The following IGSF6 variants were observed in gnomAD, a reference collection of about 807,000 sequenced individuals.
IGSF6 encodes immunoglobulin superfamily member 6, also known as down-regulated by activation (immunoglobulin superfamily).
IGSF6 carries 23 observed loss-of-function variants against 24.7 expected under a neutral mutation model. The observed-to-expected ratio is 0.93, with a 90% CI of 0.67 to 1.32. IGSF6 has a LOEUF of 1.32. IGSF6 is among the 40% of genes most tolerant of loss of function. The pLI is 0.00. For missense variants in IGSF6, 295 were observed against 293.6 expected, an observed-to-expected ratio of 1.00 and a Z score of -0.04; for synonymous variants, 110 against 113.7, an observed-to-expected ratio of 0.97 and a Z score of 0.21.
Position 21,643,562 on chromosome 16 carries a change from C to G in IGSF6, c.571G>C (p.Glu191Gln). 6.2e-7 allele frequency: 1 copy of G among 1,605,698 alleles called. No homozygotes were observed. Residue 191 changes from glutamate to glutamine, a missense_variant, in exon 4 of 6, where the codon GAA becomes CAA. Glu to Gln is a conservative substitution (Grantham distance 29). Transcript: ENST00000268389. ...SNPLRNKEIK[E>Q]DSQKKKSARR... ...TTGGTCTGTACCTTTTGTGAGTCTT[C>G]TTTTATTTCTTTGTTTCTTAGAGGG... is the stretch of plus-strand genomic sequence containing the variant.
rs974650175 is a variant in IGSF6 at position 21,641,226 on chromosome 16, A to G, written c.*308T>C. The G allele has an allele frequency of 5.1e-6, 1 of 197,228 alleles. No homozygotes were observed. Among genetic ancestry groups the G allele is most frequent in the African/African-American group, 2.3e-5 (1 of 43,304 alleles). The allele number at this position is 197,228 out of a possible 1,614,324, so 12.2% of individuals were successfully genotyped here. On this transcript the variant is annotated 3_prime_UTR_variant, in exon 6 of 6. Transcript: ENST00000268389. The stretch of plus-strand genomic sequence containing the variant: ...AGACTGAGGCACATGGTTTGGCTTC[A>G]GATCTTCAGGATGGCAGTCATCACA...
In IGSF6 at chr16:21,639,700, CAT is replaced by C. The variant is rs1159188138; in HGVS notation, c.*1832_*1833del. 6 of 152,206 alleles carry C rather than the reference CAT, an allele frequency of 3.9e-5. No individual in the cohort carries two copies. Among genetic ancestry groups the C allele is most frequent in the Non-Finnish European group, 1.5e-5 (1 of 68,032 alleles). The allele number at this position is 152,206 out of a possible 1,614,324, so 9.4% of individuals were successfully genotyped here. On this transcript the variant is annotated 3_prime_UTR_variant, in exon 6 of 6. Transcript: ENST00000268389. ...ACACATGTGGCCCCACACATATACACATGTGCACTCACGTGTACACACAGATA... is the reference window on the plus strand; with the variant it reads ...ACACATGTGGCCCCACACATATACACGTGCACTCACGTGTACACACAGATA...
rs1966266767 is a variant in IGSF6 at position 21,641,460 on chromosome 16, G to T, written c.*74C>A. 4 of 761,040 alleles carry T rather than the reference G, an allele frequency of 5.3e-6. No individual in the cohort carries two copies. The highest frequency in any genetic ancestry group is 1.9e-5 in the South Asian group (1 of 53,514). 47.1% of individuals were successfully genotyped at this position (761,040 alleles called of 1,614,324 possible). On this transcript the variant is annotated 3_prime_UTR_variant, in exon 6 of 6. Transcript: ENST00000268389. ...CCTTTATTTTTTTTTAAGACCTGAT[G>T]ATATATGTTCATTAACACTGCCATA...
At chr16:21,644,926 A>G (rs879639367) in intron 2 of IGSF6, among the ~76,000 whole-genome samples, 12 of 152,228 alleles carry the variant, frequency 7.9e-5, no homozygotes, top group Non-Finnish European at 1.8e-4. Flanking sequence ...GCGTGCTTGA[A>G]AGACAGGCAC....
In IGSF6 at chr16:21,640,730, G is replaced by A. The variant is rs1400014879; in HGVS notation, c.*804C>T. 1.4e-5 allele frequency: 2 copies of A among 144,226 alleles called. No individual in the cohort carries two copies. Among genetic ancestry groups the A allele is most frequent in the East Asian group, 4.0e-4 (2 of 4,994 alleles). The allele number at this position is 144,226 out of a possible 1,614,324, so 8.9% of individuals were successfully genotyped here. The stretch of plus-strand genomic sequence containing the variant: ...TGTAGTGAGCCGAGATTGCACCACT[G>A]CACTCCACCCTGGGCAACAGAACGA... On this transcript the variant is annotated 3_prime_UTR_variant, in exon 6 of 6. Coordinates refer to ENST00000268389, the MANE Select transcript of IGSF6 (RefSeq NM_005849.4).
rs1323232679 is a variant in IGSF6 at position 21,643,288 on chromosome 16, A to C, written c.586-134T>G. On this transcript the variant is annotated intron_variant, in intron 4 of 5. Transcript: ENST00000268389. The stretch of plus-strand genomic sequence containing the variant: ...CCCCTCCCCCAACACATATGTGCCT[A>C]CAGTTAACTCTTTTGTATTTGAGAA... The C allele has an allele frequency of 1.6e-5, 11 of 679,416 alleles. No individual in the cohort carries two copies. The East Asian group carries it at 2.8e-4, about 18-fold the overall frequency. The allele number at this position is 679,416 out of a possible 1,614,324, so 42.1% of individuals were successfully genotyped here.
At position 21,640,596 on chromosome 16, in the gene IGSF6, CAAAAAAAA is replaced by C. The variant is rs368761095; in HGVS notation, c.*930_*937del. 1.5e-5 allele frequency: 1 copy of C among 65,586 alleles called. No individual in the cohort carries two copies. Among genetic ancestry groups the C allele is most frequent in the African/African-American group, 4.5e-5 (1 of 22,262 alleles). The allele number at this position is 65,586 out of a possible 1,614,324, so 4.1% of individuals were successfully genotyped here. ...TGAAACCCCGTCTCTACTAAAAATACAAAAAAAAAAAAAAAAAAAAATTAGCCGGGCGT... is the reference window on the plus strand; with the variant it reads ...TGAAACCCCGTCTCTACTAAAAATACAAAAAAAAAAAAATTAGCCGGGCGT... On this transcript the variant is annotated 3_prime_UTR_variant, in exon 6 of 6. Transcript: ENST00000268389.
At chr16:21,643,438 T>C in intron 4 of IGSF6, 110 bp downstream of exon 4, 6 of 717,620 alleles carry the variant, frequency 8.4e-6, no homozygotes, top group Non-Finnish European at 9.2e-6. Flanking sequence ...TACCTTGATA[T>C]TCTGTTTAAA....
chr16:21,647,482 G>T lies in IGSF6; in HGVS notation c.78C>A (p.Gly26=), dbSNP rs766260469. The change falls in exon 2 of 6, where the codon GGC becomes GGA. Residue 26 remains glycine, a synonymous_variant. Coordinates refer to ENST00000268389, the MANE Select transcript of IGSF6 (RefSeq NM_005849.4). ...NLILFCVGAV[G]ACTLSVTQPW... is the part of the protein sequence containing the mutation. Reference sequence around the variant, plus strand: ...GTTGTGTGACAGAGAGAGTACAGGCGCCCACAGCACCTGTGGGAGGAAGCA... The same window carrying T: ...GTTGTGTGACAGAGAGAGTACAGGCTCCCACAGCACCTGTGGGAGGAAGCA... The T allele has an allele frequency of 1.9e-6, 3 of 1,610,230 alleles. No individual in the cohort carries two copies. In the African/African-American group the frequency reaches 4.0e-5, roughly 22 times the overall value.
At chr16:21,650,528 A>G (rs1027179836) in intron 1 of IGSF6, among the ~76,000 whole-genome samples, 3 of 150,876 alleles carry the variant, frequency 2.0e-5, no homozygotes, top group African/African-American at 4.9e-5. Flanking sequence ...AAAAAAAAAA[A>G]TAGAGGTTGG....
rs367949386 is a variant in IGSF6 at position 21,643,141 on chromosome 16, C to T, written c.599G>A (p.Arg200Gln). 31 of 1,605,976 alleles carry T rather than the reference C, an allele frequency of 1.9e-5. No individual in the cohort carries two copies. Among genetic ancestry groups the T allele is most frequent in the South Asian group, 9.9e-5 (9 of 90,950 alleles). Residue 200 changes from arginine (R) to glutamine (Q), a missense_variant, in exon 5 of 6, where the codon CGG becomes CAG. Transcript: ENST00000268389. ...TTGAGCAATTTCCTGAAAAATACGC[C>T]GAGCACTCTTCTTCTATAAAGACAA... ...KEDSQKKKSARRIFQEIAQEL... is the reference protein window; with the variant it reads ...KEDSQKKKSAQRIFQEIAQEL...
chr16:21,639,610 A>G lies in IGSF6; in HGVS notation c.*1924T>C, dbSNP rs891438600. 5.9e-5 allele frequency: 9 copies of G among 152,206 alleles called. No homozygotes were observed. Among genetic ancestry groups the G allele is most frequent in the African/African-American group, 1.7e-4 (7 of 41,450 alleles). 9.4% of individuals were successfully genotyped at this position (152,206 alleles called of 1,614,324 possible). On this transcript the variant is annotated 3_prime_UTR_variant, in exon 6 of 6. Transcript: ENST00000268389. ...TTTTATTTATATTGCTGCTTATGCC[A>G]TTGTTTAATTTGTTTTTGTGTATAA...
chr16:21,640,545 G>GT lies in IGSF6; in HGVS notation c.*988dup, dbSNP rs1428107631. On this transcript the variant is annotated 3_prime_UTR_variant, in exon 6 of 6. Coordinates refer to ENST00000268389, the MANE Select transcript of IGSF6 (RefSeq NM_005849.4). ...TCAGGCAGATCATCTGAGGTCTTGA[G>GT]TTTGAGACCAGCCTGGCCAACATGG... 1.4e-5 allele frequency: 2 copies of GT among 141,324 alleles called. No individual in the cohort carries two copies. Among genetic ancestry groups the GT allele is most frequent in the Non-Finnish European group, 3.0e-5 (2 of 66,108 alleles). The allele number at this position is 141,324 out of a possible 1,614,324, so 8.8% of individuals were successfully genotyped here. A position where few individuals can be genotyped will look rare whatever the true frequency, so the allele number is the denominator to read the frequency against.
intron 1 of IGSF6, among the ~76,000 whole-genome samples, chr16:21,650,403 G>GACC (rs2141623735): frequency 6.6e-6 from 1 of 151,874 alleles, no homozygotes; most frequent in East Asian, 1.9e-4. Flanking sequence ...AGCTACTTGG[G>GACC]AGGCTGAAGC....
chr16:21,646,306 A>G (rs1034350773), intron 2 of IGSF6: 15 of 152,156 alleles, frequency 9.9e-5, no homozygotes, highest in African/African-American at 3.4e-4. Flanking sequence ...GAGAGTCATC[A>G]CTTTCCGTTC....
rs1375458445 is a variant in IGSF6, at chr16:21,641,524, T to G, written c.*10A>C. On this transcript the variant is annotated 3_prime_UTR_variant, in exon 6 of 6. Transcript: ENST00000268389. ...GATTTTCAGTGACTTCATTGAAAATTAAAACGTTTCTATGGCCTTTCATAG... is the reference window on the plus strand; with the variant it reads ...GATTTTCAGTGACTTCATTGAAAATGAAAACGTTTCTATGGCCTTTCATAG... The G allele has an allele frequency of 1.9e-6, 3 of 1,557,292 alleles. No homozygotes were observed. The Admixed American group carries it at 5.2e-5, about 27-fold the overall frequency.
intron 1 of IGSF6, 106 bp from the exon 2 acceptor site, chr16:21,647,598 C>T: frequency 7.3e-7 from 1 of 1,371,634 alleles, no homozygotes; most frequent in East Asian, 2.4e-5. Context: ...TTTTTCTTAC[C>T]TTAATCCCAA....
Position 21,650,242 on chromosome 16 carries a change from C to T in IGSF6, c.67+2290G>A, listed in dbSNP as rs1966531884. Among the ~76,000 whole-genome samples the T allele has an allele frequency of 2.6e-5, 4 of 152,194 alleles. No individual in the cohort carries two copies. The South Asian group carries it at 6.2e-4, about 24-fold the overall frequency. On this transcript the variant is annotated intron_variant, in intron 1 of 5. Coordinates refer to ENST00000268389, the MANE Select transcript of IGSF6 (RefSeq NM_005849.4). ...GGAATAGAGGCTGGGCATGGTGGCT[C>T]ACGCCTGTAATCCCAGCACTTTGGG...
chr16:21,644,606 T>C (rs575224709), intron 2 of IGSF6, among the ~76,000 whole-genome samples: 17 of 152,178 alleles, frequency 1.1e-4, no homozygotes, highest in Non-Finnish European at 1.9e-4. Flanking sequence ...AAACCAAAAA[T>C]GTTACTCGTT....
Sources: gnomAD v4.1 joint callset for allele counts (sites outside exome capture counted in the v4.1 genomes callset) on GRCh38, gnomAD v4.1.1 for gene constraint, MANE v1.5 for transcripts, NCBI Gene and HGNC (gene_info 2026-07-23, HGNC 2026-07-21) for gene names.